Variants in TTLL7 observed in about 807,000 individuals in gnomAD.
The protein encoded by TTLL7 is tubulin polyglutamylase TTLL7.
Under a neutral mutation model 120.2 loss-of-function variants are expected in TTLL7, and 53 were observed. The ratio of observed to expected loss-of-function variants is 0.44; its 90% CI spans 0.35 to 0.55. The LOEUF is 0.55. Ranked by LOEUF, TTLL7 falls within the 20% of genes least tolerant of loss-of-function variation. The probability of loss-of-function intolerance (pLI) is 0.00; values close to 1 mark genes in which losing one functional copy is unlikely to be tolerated. For synonymous variants in TTLL7, 353 were observed against 351.7 expected (o/e 1.00, Z -0.04); for missense variants, 803 against 1,054.7 (o/e 0.76, Z 3.31).
intron 18 of TTLL7, among the ~76,000 whole-genome samples, chr1:83,902,767 C>A (rs2100754729): frequency 6.6e-6 from 1 of 152,030 alleles, no homozygotes; most frequent in East Asian, 1.9e-4. Flanking sequence ...ACAATCTTAG[C>A]CCTAAACTCA....
chr1:83,982,665 T>C lies in TTLL7; in HGVS notation c.-177+16266A>G, dbSNP rs546264235. On this transcript the variant is annotated intron_variant, in intron 1 of 20. Transcript: ENST00000260505. ...AAAGAAATCGGAGATAACACAAAAATGGAAAAATATTCCATGCCCTTGGAT... is the reference window on the plus strand; with the variant it reads ...AAAGAAATCGGAGATAACACAAAAACGGAAAAATATTCCATGCCCTTGGAT... Among the ~76,000 whole-genome samples, 3 of 152,244 alleles carry C rather than the reference T, an allele frequency of 2.0e-5. No individual in the cohort carries two copies. The South Asian group carries it at 6.2e-4, about 32-fold the overall frequency.
Position 83,904,174 on chromosome 1 carries a change from G to A in TTLL7, c.2128-15C>T. ...TTATCAATGATCTGTTTGGAAGGAGGAACATTAAGAAATTTACAGGTTGAA... is the reference window on the plus strand; with the variant it reads ...TTATCAATGATCTGTTTGGAAGGAGAAACATTAAGAAATTTACAGGTTGAA... On this transcript the variant is annotated splice_polypyrimidine_tract_variant and intron_variant, in intron 17 of 20. Transcript: ENST00000260505. 6.3e-7 allele frequency: 1 copy of A among 1,596,912 alleles called. No homozygotes were observed.
intron 10 of TTLL7, among the ~76,000 whole-genome samples, chr1:83,928,154 A>C (rs1364953628): frequency 2.6e-5 from 4 of 152,220 alleles, no homozygotes; most frequent in Non-Finnish European, 4.4e-5. Context: ...ACATGCACAC[A>C]CAACAAAAAA....
At chr1:83,989,791 T>C (rs1362724600) in intron 1 of TTLL7, among the ~76,000 whole-genome samples, 1 of 152,196 alleles carries the variant, frequency 6.6e-6, no homozygotes, top group East Asian at 1.9e-4. Context: ...CAATATTGAT[T>C]AATCCAATCC....
intron 13 of TTLL7, among the ~76,000 whole-genome samples, chr1:83,919,453 G>A (rs551752532): frequency 3.9e-5 from 6 of 152,104 alleles, no homozygotes; most frequent in Admixed American, 2.0e-4. Context: ...AAGAAGATAC[G>A]TTATTATAAT....
chr1:83,998,137 T>C (rs536630426), intron 1 of TTLL7, among the ~76,000 whole-genome samples: 3 of 152,340 alleles, frequency 2.0e-5, no homozygotes, highest in African/African-American at 7.2e-5. Flanking sequence ...CCATGGACTA[T>C]AGAGTCAGGA....
chr1:83,933,398 C>T (rs377480773), intron 9 of TTLL7, among the ~76,000 whole-genome samples: 1 of 152,154 alleles, frequency 6.6e-6, no homozygotes, highest in Non-Finnish European at 1.5e-5. Flanking sequence ...TCAGCTGATG[C>T]TAATTTGGGA....
At position 83,866,268 on chromosome 1, in the gene TTLL7, T is replaced by A. The variant is rs1194071679; in HGVS notation, c.*3694A>T. 1 of 151,850 alleles carries A rather than the reference T, an allele frequency of 6.6e-6. No individual in the cohort carries two copies. The highest frequency in any genetic ancestry group is 2.4e-5 in the African/African-American group (1 of 41,446). 9.4% of individuals were successfully genotyped at this position (151,850 alleles called of 1,614,324 possible). A position where few individuals can be genotyped will look rare whatever the true frequency, so the allele number is the denominator to read the frequency against. The stretch of plus-strand genomic sequence containing the variant: ...CTGCAGCTATCAATTTTTTGATACT[T>A]TTGAAAAAGTCAAGTAATGTATATG... On this transcript the variant is annotated 3_prime_UTR_variant, in exon 21 of 21. Coordinates refer to ENST00000260505, the MANE Select transcript of TTLL7 (RefSeq NM_024686.6).
At chr1:83,895,166 C>A (rs933085938) in intron 18 of TTLL7, among the ~76,000 whole-genome samples, 2 of 152,038 alleles carry the variant, frequency 1.3e-5, no homozygotes, top group South Asian at 4.1e-4. Flanking sequence ...ATTTTAATTT[C>A]CTGTTTAATT....
intron 1 of TTLL7, among the ~76,000 whole-genome samples, chr1:83,988,839 G>A (rs1389571567): frequency 6.6e-6 from 1 of 152,028 alleles, no homozygotes; most frequent in African/African-American, 2.4e-5. Context: ...CTCCCAAGTA[G>A]CTGGAACTAG....
intron 15 of TTLL7, among the ~76,000 whole-genome samples, chr1:83,910,087 C>A (rs141493091): frequency 0.025 from 3,738 of 152,096 alleles, 57 homozygotes; most frequent in Middle Eastern, 0.037. Flanking sequence ...AAGACATAAA[C>A]CCTGGAAGAT....
At chr1:83,938,808 C>G (rs1046606117) in intron 7 of TTLL7, among the ~76,000 whole-genome samples, 1 of 152,142 alleles carries the variant, frequency 6.6e-6, no homozygotes, top group Non-Finnish European at 1.5e-5. Flanking sequence ...ATCTTTAATT[C>G]CTACCCTCCT....
rs569529867 is a variant in TTLL7, at chr1:83,934,737, C to T, written c.889-971G>A. Among the ~76,000 whole-genome samples, 17 of 152,208 alleles carry T rather than the reference C, an allele frequency of 1.1e-4. 1 individual carries two copies. In the South Asian group the frequency reaches 3.5e-3, roughly 32 times the overall value. ...GGCAATAGAAAAAGACAGTTAAGAA[C>T]CTGGCTCTAAAATAGGCTTCTTATG... is the stretch of plus-strand genomic sequence containing the variant. On this transcript the variant is annotated intron_variant, in intron 8 of 20. Transcript: ENST00000260505.
intron 12 of TTLL7, 111 bp from the exon 13 acceptor site, chr1:83,919,945 G>T: frequency 1.0e-6 from 1 of 971,948 alleles, no homozygotes; most frequent in Non-Finnish European, 1.5e-6. Context: ...CAGTCACATT[G>T]CCAGGTATAA....
chr1:83,893,584 AGCAGAT>A (rs1655969568), intron 18 of TTLL7, among the ~76,000 whole-genome samples: 1 of 152,138 alleles, frequency 6.6e-6, no homozygotes, highest in South Asian at 2.1e-4. Flanking sequence ...AAGAATTGGA[AGCAGAT>A]GAAAGAATGA....
chr1:83,897,033 G>T (rs967962985), intron 18 of TTLL7, among the ~76,000 whole-genome samples: 2 of 151,996 alleles, frequency 1.3e-5, no homozygotes, highest in Non-Finnish European at 2.9e-5. Context: ...TTCTTTTCAG[G>T]ATTTAATTCC....
chr1:83,919,091 T>G (rs565656402), intron 13 of TTLL7, among the ~76,000 whole-genome samples: 2 of 152,004 alleles, frequency 1.3e-5, no homozygotes, highest in South Asian at 2.1e-4. Context: ...CTAGCCCCAG[T>G]TGGGCATTCA....
At chr1:83,994,999 T>C (rs2100658204) in intron 1 of TTLL7, among the ~76,000 whole-genome samples, 1 of 152,210 alleles carries the variant, frequency 6.6e-6, no homozygotes. Context: ...CTATCACATA[T>C]TCTCCTTCTC....
rs545032626 is a variant in TTLL7 at position 83,947,032 on chromosome 1, T to C, written c.506+92A>G. 4 of 965,522 alleles carry C rather than the reference T, an allele frequency of 4.1e-6. No individual in the cohort carries two copies. In the South Asian group the frequency reaches 6.3e-5, roughly 15 times the overall value. 59.8% of individuals were successfully genotyped at this position (965,522 alleles called of 1,614,324 possible). A position where few individuals can be genotyped will look rare whatever the true frequency, so the allele number is the denominator to read the frequency against. ...AACCTATTTCGTTATTTTTTCATATTGGTACTCACGCATGAGTAATTATGC... is the reference window on the plus strand; with the variant it reads ...AACCTATTTCGTTATTTTTTCATATCGGTACTCACGCATGAGTAATTATGC... On this transcript the variant is annotated intron_variant, in intron 6 of 20. Coordinates refer to ENST00000260505, the MANE Select transcript of TTLL7 (RefSeq NM_024686.6).
Sources: gnomAD v4.1 joint callset for allele counts (sites outside exome capture counted in the v4.1 genomes callset) on GRCh38, gnomAD v4.1.1 for gene constraint, MANE v1.5 for transcripts, NCBI Gene and HGNC (gene_info 2026-07-23, HGNC 2026-07-21) for gene names.